The following PAPLN variants were observed in gnomAD, a reference collection of about 807,000 sequenced individuals.
PAPLN encodes papilin.
In PAPLN, 146 loss-of-function variants were observed where a neutral mutation model predicts 159.0. That is an observed-to-expected ratio of 0.92 (90% CI 0.80 to 1.05). The LOEUF is 1.05. Among genes scored for constraint, PAPLN ranks in the 50% least tolerant of loss-of-function variants. The pLI, the probability that PAPLN is intolerant of heterozygous loss-of-function variation, is 0.00. For synonymous variants in PAPLN, 734 were observed against 702.9 expected (o/e 1.04, Z -0.70); for missense variants, 1,720 against 1,743.9 (o/e 0.99, Z 0.24).
chr14:73,263,495 T>G, intron 19 of PAPLN, 150 bp from the exon 20 acceptor site: 1 of 966,362 alleles, frequency 1.0e-6, no homozygotes, highest in East Asian at 2.4e-5. Flanking sequence ...CATGGGCTTC[T>G]GGGGCTCTGC....
intron 3 of PAPLN, 114 bp downstream of exon 3, chr14:73,244,873 C>T (rs1884021314): frequency 5.3e-6 from 4 of 753,116 alleles, no homozygotes; most frequent in Non-Finnish European, 8.4e-6. Context: ...TCAGCAGAAC[C>T]CACCAAGGAG....
Position 73,265,648 on chromosome 14 carries a change from C to A in PAPLN, c.3263+141C>A. 1 of 1,278,658 alleles carries A rather than the reference C, an allele frequency of 7.8e-7. No individual in the cohort carries two copies. Among genetic ancestry groups the A allele is most frequent in the Non-Finnish European group, 1.1e-6 (1 of 944,072 alleles). The allele number at this position is 1,278,658 out of a possible 1,614,324, so 79.2% of individuals were successfully genotyped here. A position where few individuals can be genotyped will look rare whatever the true frequency, so the allele number is the denominator to read the frequency against. Reference sequence around the variant, plus strand: ...CTCCAGGGCCTCTTGAGAGATGGAGCAGCTGGGCAAAGGGCTCCTTGGGTT... The same window carrying A: ...CTCCAGGGCCTCTTGAGAGATGGAGAAGCTGGGCAAAGGGCTCCTTGGGTT... On this transcript the variant is annotated intron_variant, in intron 23 of 26. Coordinates refer to ENST00000644200, the MANE Select transcript of PAPLN (RefSeq NM_001365906.3). The surrounding 1 kb of genome is among the most constrained non-coding windows in gnomAD (Gnocchi z 4.1).
chr14:73,261,796 G>A (rs1211880938), intron 18 of PAPLN, among the ~76,000 whole-genome samples: 1 of 152,206 alleles, frequency 6.6e-6, no homozygotes, highest in East Asian at 1.9e-4. Flanking sequence ...GTCAGGGCTC[G>A]CAGGAGGCAC....
rs200318018 is a variant in PAPLN, at chr14:73,257,756, T to C, written c.1628-1223T>C. 4.4e-4 allele frequency among the ~76,000 whole-genome samples: 24 copies of C among 53,944 alleles called. 1 individual carries two copies. The highest frequency in any genetic ancestry group is 2.3e-3 in the East Asian group (5 of 2,200). 35.4% of individuals were successfully genotyped at this position (53,944 alleles called of 152,430 possible). ...TTCATTATCTAGTCTCTTTCTTCTT[T>C]TTTTTTTTTTTTTTTTTTTTTTTTT... is the stretch of plus-strand genomic sequence containing the variant. On this transcript the variant is annotated intron_variant, in intron 14 of 26. Transcript: ENST00000644200.
Position 73,245,735 on chromosome 14 carries a change from C to A in PAPLN, c.231+39C>A. ...GGCGCGGGCGAAGGCACCAGCTTCC[C>A]CAGCCCCTCCTGGCCGATTTCCCCA... On this transcript the variant is annotated intron_variant, in intron 4 of 26. Transcript: ENST00000644200. This position sits in a 1 kb window ranked among gnomAD's most constrained non-coding sequence, Gnocchi z 4.2. The A allele has an allele frequency of 6.5e-7, 1 of 1,535,068 alleles. No homozygotes were observed. The highest frequency in any genetic ancestry group is 1.2e-5 in the South Asian group (1 of 83,780).
intron 14 of PAPLN, among the ~76,000 whole-genome samples, chr14:73,256,532 C>A (rs866542933): frequency 7.2e-3 from 664 of 92,228 alleles, no homozygotes; most frequent in Non-Finnish European, 7.6e-3. Context: ...GACTCTGTCT[C>A]AAAAAAAAAA....
chr14:73,266,419 C>T (rs1887215918), intron 23 of PAPLN, 82 bp from the exon 24 acceptor site: 2 of 1,535,672 alleles, frequency 1.3e-6, no homozygotes, highest in Middle Eastern at 4.2e-4. Context: ...TGTTCCCTCC[C>T]TGACCCCATG....
At position 73,245,605 on chromosome 14, in the gene PAPLN, G is replaced by T; in HGVS notation, c.171-31G>T. 6.5e-7 allele frequency: 1 copy of T among 1,550,282 alleles called. No homozygotes were observed. The highest frequency in any genetic ancestry group is 1.9e-5 in the Admixed American group (1 of 51,360). ...ACGGGGGCAGGGACGTTGGGTCTCG[G>T]TCAGGTCTTCCCGGTGCTCTGGTCC... On this transcript the variant is annotated intron_variant, in intron 3 of 26. Transcript: ENST00000644200. This position sits in a 1 kb window ranked among gnomAD's most constrained non-coding sequence, Gnocchi z 4.2.
In PAPLN at chr14:73,264,309, C is replaced by A. The variant is rs753011130; in HGVS notation, c.2960C>A (p.Ser987Tyr). The A allele has an allele frequency of 6.2e-7, 1 of 1,613,872 alleles. No homozygotes were observed. The highest frequency in any genetic ancestry group is 8.5e-7 in the Non-Finnish European group (1 of 1,180,014). ...SCGSTRPGRD[S>Y]QKIQLRIIGG... ...GGCAGCACCCGGCCAGGCCGCGACT[C>A]CCAGAAGATCCAACTTCGCATCATA... The change falls in exon 21 of 27, where the codon TCC becomes TAC. Residue 987 changes from serine (S) to tyrosine (Y), a missense_variant. By Grantham distance (144) the Ser-to-Tyr change is moderately radical. Transcript: ENST00000644200.
chr14:73,272,798 C>G lies in PAPLN; in HGVS notation c.*134C>G, dbSNP rs1887855682. The G allele has an allele frequency of 1.0e-6, 1 of 1,001,882 alleles. No individual in the cohort carries two copies. Among genetic ancestry groups the G allele is most frequent in the African/African-American group, 1.6e-5 (1 of 61,092 alleles). 62.1% of individuals were successfully genotyped at this position (1,001,882 alleles called of 1,614,324 possible). A position where few individuals can be genotyped will look rare whatever the true frequency, so the allele number is the denominator to read the frequency against. On this transcript the variant is annotated 3_prime_UTR_variant, in exon 27 of 27. Coordinates refer to ENST00000644200, the MANE Select transcript of PAPLN (RefSeq NM_001365906.3). ...GGAATACATTAGCTCTTTCAAAAAC[C>G]CACCCAGTGTTTAGCCTCAACGGCA...
At chr14:73,268,837 C>A in intron 26 of PAPLN, 114 bp downstream of exon 26, 1 of 1,282,568 alleles carries the variant, frequency 7.8e-7, no homozygotes. Context: ...GCTCACCCTG[C>A]CAGTTGCTGG....
rs767013034 is a variant in PAPLN at position 73,252,656 on chromosome 14, G to A, written c.975G>A (p.Gln325=). Residue 325 remains glutamine (Q), a synonymous_variant, in exon 11 of 27, where the codon CAG becomes CAA. Transcript: ENST00000644200. ...DCSAECGGGH[Q]SRLVFCTIDH... is the part of the protein sequence containing the mutation. Reference sequence around the variant, plus strand: ...GGCTGGGCCTCTGCGCAGGTCACCAGTCCCGCCTGGTGTTCTGCACCATCG... The same window carrying A: ...GGCTGGGCCTCTGCGCAGGTCACCAATCCCGCCTGGTGTTCTGCACCATCG... The A allele has an allele frequency of 5.0e-5, 81 of 1,612,670 alleles. No individual in the cohort carries two copies. The highest frequency in any genetic ancestry group is 6.7e-5 in the Admixed American group (4 of 60,002).
chr14:73,264,130 C>T, intron 20 of PAPLN, 81 bp from the exon 21 acceptor site: 1 of 1,601,410 alleles, frequency 6.2e-7, no homozygotes, highest in East Asian at 2.2e-5. Context: ...TCCCCTCTGG[C>T]ACGAGCACCG....
At chr14:73,242,811 G>C (rs984209112) in intron 2 of PAPLN, 1 of 152,262 alleles carries the variant, frequency 6.6e-6, no homozygotes, top group African/African-American at 2.4e-5. Flanking sequence ...TCTTGGTTGT[G>C]TGTGGTTCGG....
At chr14:73,241,851 TTCTG>T (rs1408248114) in intron 2 of PAPLN, among the ~76,000 whole-genome samples, 22 of 152,384 alleles carry the variant, frequency 1.4e-4, no homozygotes, top group African/African-American at 5.0e-4. Flanking sequence ...TGTGCATGTG[TTCTG>T]TCTCTCTCTT....
rs1491238488 is a variant in PAPLN at position 73,248,073 on chromosome 14, C to CTGTG, written c.334+1899_334+1900insGTGT. 1.7e-3 allele frequency among the ~76,000 whole-genome samples: 88 copies of CTGTG among 51,008 alleles called. 7 individuals are homozygous for CTGTG. The highest frequency in any genetic ancestry group is 0.015 in the African/African-American group (85 of 5,836). 33.5% of individuals were successfully genotyped at this position (51,008 alleles called of 152,430 possible). A position where few individuals can be genotyped will look rare whatever the true frequency, so the allele number is the denominator to read the frequency against. ...TGTGGCCCAGTGGGAGTCTCATATC[C>CTGTG]TCTGTGTGTGTGTGTGTGTGTGTGT... On this transcript the variant is annotated intron_variant, in intron 5 of 26. Coordinates refer to ENST00000644200, the MANE Select transcript of PAPLN (RefSeq NM_001365906.3).
Position 73,254,589 on chromosome 14 carries a change from C to T in PAPLN, c.1379C>T (p.Thr460Ile), listed in dbSNP as rs1594803361. Residue 460 changes from threonine (T) to isoleucine (I), a missense_variant, in exon 13 of 27, where the codon ACC (threonine) becomes ATC (isoleucine). By Grantham distance (89) the Thr-to-Ile change is moderately conservative. Coordinates refer to ENST00000644200, the MANE Select transcript of PAPLN (RefSeq NM_001365906.3). The part of the protein sequence containing the change: ...CRGERGSLLH[T>I]AACSLEDRPP... ...GGTGAAAGGGGTTCTTTGCTCCATA[C>T]CGCAGCGTGCTCCTTGGAAGACCGG... The T allele has an allele frequency of 2.5e-6, 4 of 1,613,966 alleles. No homozygotes were observed. The highest frequency in any genetic ancestry group is 3.4e-6 in the Non-Finnish European group (4 of 1,179,954).
intron 26 of PAPLN, among the ~76,000 whole-genome samples, chr14:73,269,768 C>T (rs1046652799): frequency 4.6e-5 from 7 of 152,166 alleles, no homozygotes; most frequent in African/African-American, 1.4e-4. Flanking sequence ...ATGCCAGGCT[C>T]GGAGGTGCCA....
At chr14:73,258,552 G>A (rs1199290586) in intron 14 of PAPLN, among the ~76,000 whole-genome samples, 1 of 146,886 alleles carries the variant, frequency 6.8e-6, no homozygotes, top group Non-Finnish European at 1.5e-5. Context: ...GGGAGGCTGA[G>A]TCAGGAGGAT....
Sources: allele counts gnomAD v4.1 joint callset (sites outside exome capture counted in the v4.1 genomes callset), GRCh38; gene constraint gnomAD v4.1.1; non-coding constraint Gnocchi (gnomAD v3.1); transcripts MANE v1.5; gene names NCBI Gene and HGNC (gene_info 2026-07-23, HGNC 2026-07-21).